The following PCED1B variants were observed in gnomAD, a reference collection of about 807,000 sequenced individuals.
PCED1B encodes PC-esterase domain-containing protein 1B.
For synonymous variants in PCED1B, 251 were observed against 246.1 expected (o/e 1.02, Z -0.19); for missense variants, 573 against 573.9 (o/e 1.00, Z 0.02).
chr12:47,185,035 C>T (rs777850002), intron 2 of PCED1B, among the ~76,000 whole-genome samples: 3 of 152,188 alleles, frequency 2.0e-5, no homozygotes, highest in Non-Finnish European at 2.9e-5. Context: ...TTTCCACCAG[C>T]TTTAGCTTGT....
intron 1 of PCED1B, among the ~76,000 whole-genome samples, chr12:47,090,680 CT>C (rs1938225262): frequency 6.6e-6 from 1 of 152,128 alleles, no homozygotes; most frequent in Non-Finnish European, 1.5e-5. Flanking sequence ...TGTTTTTATA[CT>C]TTGTATAAAT....
At chr12:47,163,286 T>C (rs1407878629) in intron 2 of PCED1B, among the ~76,000 whole-genome samples, 3 of 152,204 alleles carry the variant, frequency 2.0e-5, no homozygotes, top group African/African-American at 7.2e-5. Context: ...CTTTGCTGAA[T>C]TTATTTATTA....
At chr12:47,179,863 T>TAC (rs1359313944) in intron 2 of PCED1B, among the ~76,000 whole-genome samples, 1 of 138,316 alleles carries the variant, frequency 7.2e-6, no homozygotes, top group Non-Finnish European at 1.6e-5. Context: ...TATTGACATG[T>TAC]ATATATCAAT....
intron 2 of PCED1B, among the ~76,000 whole-genome samples, chr12:47,159,654 A>T (rs1024694944): frequency 6.6e-6 from 1 of 151,740 alleles, no homozygotes; most frequent in African/African-American, 2.4e-5. Flanking sequence ...TTGAATGAAC[A>T]TTTTGCAAAT....
intron 2 of PCED1B, among the ~76,000 whole-genome samples, chr12:47,192,931 T>A (rs138570234): frequency 2.7e-4 from 41 of 152,320 alleles, no homozygotes; most frequent in Admixed American, 4.6e-4. Context: ...CTAGCTCCAA[T>A]GTCCATTCTT....
intron 2 of PCED1B, among the ~76,000 whole-genome samples, chr12:47,130,896 A>G (rs2137354122): frequency 6.6e-6 from 1 of 152,310 alleles, no homozygotes; most frequent in African/African-American, 2.4e-5. Flanking sequence ...CTCACATCAG[A>G]GTAAAAGTTA....
chr12:47,178,883 A>G (rs1204956119), intron 2 of PCED1B, among the ~76,000 whole-genome samples: 17 of 151,408 alleles, frequency 1.1e-4, no homozygotes, highest in Non-Finnish European at 2.1e-4. Context: ...AAAAAAAAAA[A>G]GAAAAGAAAA....
intron 2 of PCED1B, among the ~76,000 whole-genome samples, chr12:47,155,641 G>T (rs1469460724): frequency 6.6e-6 from 1 of 152,176 alleles, no homozygotes; most frequent in Non-Finnish European, 1.5e-5. Flanking sequence ...TTACAAGGCA[G>T]GAAGTTGAGC....
chr12:47,170,295 T>C (rs921710867), intron 2 of PCED1B, among the ~76,000 whole-genome samples: 6 of 152,238 alleles, frequency 3.9e-5, no homozygotes, highest in Non-Finnish European at 5.9e-5. Flanking sequence ...TGTCTACTTC[T>C]TTCTACACAG....
chr12:47,142,238 A>T lies in PCED1B; in HGVS notation c.-526+38043A>T, dbSNP rs1296619119. ...CCACCAACTGCAGACCTCACACTGG[A>T]CCCAGCAGCAGTCACATTGCCCAAC... On this transcript the variant is annotated intron_variant, in intron 2 of 3. Coordinates refer to ENST00000546455, the MANE Select transcript of PCED1B (RefSeq NM_138371.3). Among the ~76,000 whole-genome samples the T allele has an allele frequency of 2.6e-5, 4 of 152,136 alleles. No homozygotes were observed. The East Asian group carries it at 7.7e-4, about 29-fold the overall frequency.
intron 2 of PCED1B, among the ~76,000 whole-genome samples, chr12:47,113,950 A>G (rs1939308087): frequency 2.4e-5 from 2 of 83,724 alleles, no homozygotes; most frequent in South Asian, 8.0e-4. Flanking sequence ...GACTCCATCT[A>G]AAAAAGAAAA....
rs1406431443 is a variant in PCED1B at position 47,236,045 on chromosome 12, C to T, written c.982C>T (p.Gln328Ter). The change falls in exon 4 of 4, where the codon CAG (glutamine) becomes TAG (stop). Residue 328 changes from glutamine to a stop codon, truncating the protein, a stop_gained. Transcript: ENST00000546455. LOFTEE classifies it low-confidence loss of function (END_TRUNC). The stretch of plus-strand genomic sequence containing the variant: ...GCCTCCTCCTCCCATTCTCCATCAC[C>T]AGGGAATGCCCCGGTTCCCACAGGG... The part of the protein sequence containing the change: ...PQPPPPILHH[Q>*]GMPRFPQGPP... 2 of 1,613,922 alleles carry T rather than the reference C, an allele frequency of 1.2e-6. No individual in the cohort carries two copies. Among genetic ancestry groups the T allele is most frequent in the Non-Finnish European group, 1.7e-6 (2 of 1,179,998 alleles).
intron 2 of PCED1B, among the ~76,000 whole-genome samples, chr12:47,171,897 C>CTCTTCTTCCTCTTCT (rs1241711631): frequency 0.021 from 2,957 of 138,644 alleles, 83 homozygotes; most frequent in African/African-American, 0.065. Context: ...CTTCTTCTTC[C>CTCTTCTTCCTCTTCT]TCTTCTTCCT....
intron 3 of PCED1B, among the ~76,000 whole-genome samples, chr12:47,233,742 G>A (rs1484706640): frequency 6.6e-6 from 1 of 152,034 alleles, no homozygotes; most frequent in Non-Finnish European, 1.5e-5. Flanking sequence ...ATAAGAGGAG[G>A]GCAGATAACT....
At chr12:47,142,032 C>T (rs1392032377) in intron 2 of PCED1B, among the ~76,000 whole-genome samples, 1 of 152,174 alleles carries the variant, frequency 6.6e-6, no homozygotes, top group Admixed American at 6.5e-5. Flanking sequence ...TTGCAGAGAC[C>T]CTCAGGGAAC....
chr12:47,168,795 T>C (rs2137539064), intron 2 of PCED1B, among the ~76,000 whole-genome samples: 1 of 152,314 alleles, frequency 6.6e-6, no homozygotes, highest in Non-Finnish European at 1.5e-5. Flanking sequence ...TGAAGTGTTG[T>C]TGTTTTTTCA....
At chr12:47,201,361 A>T (rs1170783745) in intron 2 of PCED1B, among the ~76,000 whole-genome samples, 1 of 152,072 alleles carries the variant, frequency 6.6e-6, no homozygotes, top group Admixed American at 6.6e-5. Flanking sequence ...GCATTCTTGG[A>T]TGTGCTGGGA....
chr12:47,137,346 A>G (rs1471258037), intron 2 of PCED1B, among the ~76,000 whole-genome samples: 4 of 152,234 alleles, frequency 2.6e-5, no homozygotes, highest in Non-Finnish European at 5.9e-5. Context: ...TGGAATCATC[A>G]ACAAATCCAA....
At chr12:47,156,723 G>A (rs987403717) in intron 2 of PCED1B, among the ~76,000 whole-genome samples, 2 of 151,902 alleles carry the variant, frequency 1.3e-5, no homozygotes, top group East Asian at 1.9e-4. Context: ...TGAGTGCTCC[G>A]ATAACACTCT....
Sources: gnomAD v4.1 joint callset for allele counts (sites outside exome capture counted in the v4.1 genomes callset) on GRCh38, gnomAD v4.1.1 for gene constraint, MANE v1.5 for transcripts, NCBI Gene and HGNC (gene_info 2026-07-23, HGNC 2026-07-21) for gene names.